AUTS2: variants seen among roughly 807,000 people sequenced by gnomAD.
The protein encoded by AUTS2 is activator of transcription and developmental regulator AUTS2.
A neutral mutation model predicts 112.4 loss-of-function variants in AUTS2; 17 were observed. That is an observed-to-expected ratio of 0.15 (90% CI 0.10 to 0.23). The LOEUF is 0.23. Among genes scored for constraint, AUTS2 ranks in the 10% least tolerant of loss-of-function variants. The probability of loss-of-function intolerance (pLI) is 1.00; values close to 1 mark genes in which losing one functional copy is unlikely to be tolerated. For missense variants in AUTS2, 1,510 were observed against 1,701.6 expected (o/e 0.89, Z 1.98); for synonymous variants, 751 against 702.7 (o/e 1.07, Z -1.09).
At chr7:70,619,687 T>C (rs958639112) in intron 5 of AUTS2, among the ~76,000 whole-genome samples, 1 of 152,114 alleles carries the variant, frequency 6.6e-6, no homozygotes, top group African/African-American at 2.4e-5. Context: ...GCATTTGAGC[T>C]GTGGCAGCTA....
chr7:70,010,617 A>G (rs1799758509), intron 2 of AUTS2, among the ~76,000 whole-genome samples: 1 of 152,196 alleles, frequency 6.6e-6, no homozygotes, highest in African/African-American at 2.4e-5. Flanking sequence ...TGAACAAGAA[A>G]TAAGCCTTTG....
At chr7:70,361,081 C>T (rs1792238795) in intron 4 of AUTS2, among the ~76,000 whole-genome samples, 1 of 152,152 alleles carries the variant, frequency 6.6e-6, no homozygotes, top group Non-Finnish European at 1.5e-5. Flanking sequence ...CGCGGTGGCT[C>T]ACGCGTGTAA....
At chr7:70,354,194 A>G (rs1055535202) in intron 4 of AUTS2, among the ~76,000 whole-genome samples, 14 of 152,330 alleles carry the variant, frequency 9.2e-5, no homozygotes, top group Middle Eastern at 3.4e-3. Context: ...CTGGTACATC[A>G]TCTAATGGAA....
At chr7:70,020,539 T>C (rs1385171663) in intron 2 of AUTS2, among the ~76,000 whole-genome samples, 1 of 152,142 alleles carries the variant, frequency 6.6e-6, no homozygotes, top group Non-Finnish European at 1.5e-5. Context: ...TTTGGAAGGA[T>C]AGAGTCCAAA....
intron 5 of AUTS2, among the ~76,000 whole-genome samples, chr7:70,674,575 C>G (rs959589624): frequency 9.2e-5 from 14 of 152,318 alleles, no homozygotes; most frequent in African/African-American, 3.1e-4. Context: ...AACGCGATCC[C>G]GCGGCACCTG....
At chr7:70,270,225 G>A (rs1787625434) in intron 4 of AUTS2, among the ~76,000 whole-genome samples, 1 of 152,096 alleles carries the variant, frequency 6.6e-6, no homozygotes, top group African/African-American at 2.4e-5. Context: ...TGTTTACTGG[G>A]TTGATGCCAA....
intron 2 of AUTS2, among the ~76,000 whole-genome samples, chr7:69,914,528 T>TG (rs1200679461): frequency 3.3e-5 from 5 of 151,878 alleles, no homozygotes; most frequent in Non-Finnish European, 7.4e-5. Flanking sequence ...GCGCCCTGCG[T>TG]GGACCGTGTC....
intron 5 of AUTS2, among the ~76,000 whole-genome samples, chr7:70,627,335 A>G (rs902672119): frequency 2.6e-5 from 4 of 152,096 alleles, no homozygotes; most frequent in South Asian, 4.2e-4. Flanking sequence ...CCCATTTTTA[A>G]TGGGGTTATT....
rs140651805 is a variant in AUTS2, at chr7:70,105,067, A to G, written c.523-13065A>G. On this transcript the variant is annotated intron_variant, in intron 2 of 18. Transcript: ENST00000342771. ...TACTACTATATTCCACTAGCTCTGC[A>G]TAACTGTTGATGGCTATACAGACTA... Among the ~76,000 whole-genome samples, 222 of 152,334 alleles carry G rather than the reference A, an allele frequency of 1.5e-3. 3 individuals are homozygous for G. The highest frequency in any genetic ancestry group is 2.6e-4 in the Non-Finnish European group (18 of 68,026).
chr7:69,817,839 C>T (rs1790829040), intron 1 of AUTS2, among the ~76,000 whole-genome samples: 1 of 152,180 alleles, frequency 6.6e-6, no homozygotes, highest in African/African-American at 2.4e-5. Flanking sequence ...ATGCACACAG[C>T]TTATCCCCAC....
intron 5 of AUTS2, among the ~76,000 whole-genome samples, chr7:70,481,815 T>C (rs1406858620): frequency 6.6e-6 from 1 of 152,218 alleles, no homozygotes; most frequent in Non-Finnish European, 1.5e-5. Context: ...GAGGCACGAT[T>C]GCTTAGGGGT....
At chr7:70,435,385 A>G (rs986415139) in intron 4 of AUTS2, among the ~76,000 whole-genome samples, 23 of 152,226 alleles carry the variant, frequency 1.5e-4, no homozygotes, top group Non-Finnish European at 7.3e-5. Flanking sequence ...TCATTGAACA[A>G]TCTTGATTCA....
intron 2 of AUTS2, among the ~76,000 whole-genome samples, chr7:69,949,612 A>C (rs1796950655): frequency 6.6e-6 from 1 of 152,244 alleles, no homozygotes; most frequent in Admixed American, 6.5e-5. Flanking sequence ...GTCTAAACTT[A>C]GATTTGATTC....
chr7:69,849,006 AC>A (rs1792338247), intron 1 of AUTS2, among the ~76,000 whole-genome samples: 1 of 152,084 alleles, frequency 6.6e-6, no homozygotes, highest in Non-Finnish European at 1.5e-5. Context: ...ACACTGCAAG[AC>A]CCTGATTCTA....
At chr7:69,714,247 A>ATGTGTGTGTGTGTGTGTG (rs1438776720) in intron 1 of AUTS2, among the ~76,000 whole-genome samples, 15 of 42,350 alleles carry the variant, frequency 3.5e-4, no homozygotes, top group African/African-American at 9.2e-4. Context: ...ATGTGTGTGT[A>ATGTGTGTGTGTGTGTGTG]TATGTGTGTG....
chr7:70,502,639 A>G (rs1798812616), intron 5 of AUTS2, among the ~76,000 whole-genome samples: 2 of 152,146 alleles, frequency 1.3e-5, no homozygotes, highest in Admixed American at 1.3e-4. Context: ...ATGACTCCCA[A>G]CAGACTTTGT....
intron 5 of AUTS2, among the ~76,000 whole-genome samples, chr7:70,651,426 A>G (rs1189493006): frequency 1.3e-5 from 2 of 152,232 alleles, no homozygotes; most frequent in Non-Finnish European, 2.9e-5. Flanking sequence ...TAAACCCTTC[A>G]TACGTGGAAA....
intron 1 of AUTS2, among the ~76,000 whole-genome samples, chr7:69,833,136 G>C (rs1470893755): frequency 1.3e-5 from 2 of 152,088 alleles, no homozygotes; most frequent in African/African-American, 4.8e-5. Context: ...CTCCACTCCT[G>C]GTGGTATGGT....
intron 5 of AUTS2, among the ~76,000 whole-genome samples, chr7:70,619,638 G>A (rs1020130416): frequency 1.3e-5 from 2 of 151,978 alleles, no homozygotes; most frequent in Non-Finnish European, 2.9e-5. Flanking sequence ...TTTTCAAGAG[G>A]TGTTGTCGGG....
Sources: gnomAD v4.1 joint callset for allele counts (sites outside exome capture counted in the v4.1 genomes callset) on GRCh38, gnomAD v4.1.1 for gene constraint, MANE v1.5 for transcripts, NCBI Gene and HGNC (gene_info 2026-07-23, HGNC 2026-07-21) for gene names.